The following DOK5 variants were observed in gnomAD, a reference collection of about 807,000 sequenced individuals.
DOK5 encodes the protein docking protein 5, also known as downstream of tyrosine kinase 5.
A neutral mutation model predicts 43.3 loss-of-function variants in DOK5; 27 were observed. The observed-to-expected ratio is 0.62, with a 90% CI of 0.46 to 0.86. DOK5 has a LOEUF of 0.86. Among genes scored for constraint, DOK5 ranks in the 40% least tolerant of loss-of-function variants. The pLI, the probability that DOK5 is intolerant of heterozygous loss-of-function variation, is 0.00. For missense variants in DOK5, 373 were observed against 392.9 expected, an observed-to-expected ratio of 0.95 and a Z score of 0.43; for synonymous variants, 146 against 140.1, an observed-to-expected ratio of 1.04 and a Z score of -0.30.
At chr20:54,647,373 C>T (rs1214123134) in intron 7 of DOK5, among the ~76,000 whole-genome samples, 4 of 151,866 alleles carry the variant, frequency 2.6e-5, no homozygotes, top group African/African-American at 7.3e-5. Flanking sequence ...GGCATGGTGG[C>T]GGGCGCCTGT....
intron 1 of DOK5, among the ~76,000 whole-genome samples, chr20:54,544,868 A>G (rs1984286166): frequency 6.6e-6 from 1 of 152,194 alleles, no homozygotes; most frequent in South Asian, 2.1e-4. Flanking sequence ...TAGGTTCTAC[A>G]GTACTGGTGT....
chr20:54,582,167 C>T (rs779779096), intron 2 of DOK5, among the ~76,000 whole-genome samples: 22 of 151,666 alleles, frequency 1.5e-4, no homozygotes, highest in Non-Finnish European at 2.5e-4. Flanking sequence ...TGTGGTGTAT[C>T]CATCTTGCTA....
intron 1 of DOK5, among the ~76,000 whole-genome samples, chr20:54,538,085 A>T (rs182159760): frequency 6.6e-4 from 100 of 151,354 alleles, no homozygotes; most frequent in African/African-American, 2.4e-3. Flanking sequence ...CCTCCTCCCG[A>T]CTCGGCCTCC....
chr20:54,569,627 G>T (rs1985218802), intron 2 of DOK5, among the ~76,000 whole-genome samples: 1 of 152,122 alleles, frequency 6.6e-6, no homozygotes, highest in Non-Finnish European at 1.5e-5. Flanking sequence ...CTCTAAGAAG[G>T]TTATATAAAA....
intron 2 of DOK5, among the ~76,000 whole-genome samples, chr20:54,584,588 G>A (rs11907001): frequency 0.022 from 3,248 of 149,718 alleles, 110 homozygotes; most frequent in African/African-American, 0.075. Context: ...TACAATATTC[G>A]TAACATTACA....
chr20:54,541,948 G>A (rs1984174951), intron 1 of DOK5, among the ~76,000 whole-genome samples: 1 of 151,858 alleles, frequency 6.6e-6, no homozygotes, highest in South Asian at 2.1e-4. Context: ...TCTCTTTCAA[G>A]TCGTTGCTCA....
chr20:54,532,000 C>A (rs1209264753), intron 1 of DOK5, among the ~76,000 whole-genome samples: 1 of 152,128 alleles, frequency 6.6e-6, no homozygotes, highest in Non-Finnish European at 1.5e-5. Context: ...TTGATTTATG[C>A]AGCAAGCATT....
chr20:54,549,150 TTTA>T (rs1463175691), intron 1 of DOK5, among the ~76,000 whole-genome samples: 2 of 152,180 alleles, frequency 1.3e-5, no homozygotes, highest in East Asian at 1.9e-4. Context: ...TTTATAAATA[TTTA>T]TGGGATTGAC....
At position 54,519,703 on chromosome 20, in the gene DOK5, A is replaced by C. The variant is rs534738033; in HGVS notation, c.67-35230A>C. On this transcript the variant is annotated intron_variant, in intron 1 of 7. Transcript: ENST00000262593. ...ATGATTCAGTAAAGAAAGAGAAATA[A>C]GCTGTTTAAATATGATGCCATACAA... Among the ~76,000 whole-genome samples, 14 of 152,324 alleles carry C rather than the reference A, an allele frequency of 9.2e-5. No homozygotes were observed. The South Asian group carries it at 2.7e-3, about 29-fold the overall frequency.
intron 1 of DOK5, among the ~76,000 whole-genome samples, chr20:54,536,003 G>T (rs1246352378): frequency 6.6e-6 from 1 of 152,076 alleles, no homozygotes; most frequent in Non-Finnish European, 1.5e-5. Flanking sequence ...TCATTTTTTT[G>T]CTCATTTGTT....
At chr20:54,522,227 A>G (rs1252112520) in intron 1 of DOK5, among the ~76,000 whole-genome samples, 2 of 152,222 alleles carry the variant, frequency 1.3e-5, no homozygotes, top group Non-Finnish European at 2.9e-5. Context: ...AAAAAAGCAC[A>G]TAAAGATCTC....
intron 7 of DOK5, among the ~76,000 whole-genome samples, chr20:54,649,387 A>G (rs1387860768): frequency 6.6e-6 from 1 of 152,180 alleles, no homozygotes; most frequent in Non-Finnish European, 1.5e-5. Flanking sequence ...ACGCCACTGC[A>G]CTGCAGCCGG....
At chr20:54,593,849 A>G (rs1203750805) in intron 5 of DOK5, among the ~76,000 whole-genome samples, 2 of 152,244 alleles carry the variant, frequency 1.3e-5, no homozygotes, top group African/African-American at 4.8e-5. Context: ...TTGCAGGGAC[A>G]TGGATGGAGC....
At chr20:54,507,857 C>T (rs1487622301) in intron 1 of DOK5, among the ~76,000 whole-genome samples, 1 of 152,066 alleles carries the variant, frequency 6.6e-6, no homozygotes, top group African/African-American at 2.4e-5. Context: ...TTATTTGGGG[C>T]CAGTTCTGGT....
At chr20:54,635,703 G>A (rs546080866) in intron 6 of DOK5, among the ~76,000 whole-genome samples, 1 of 152,302 alleles carries the variant, frequency 6.6e-6, no homozygotes, top group South Asian at 2.1e-4. Flanking sequence ...TTGGGCAGAT[G>A]TTCTCAGGAT....
At chr20:54,649,243 G>A (rs1490135200) in intron 7 of DOK5, among the ~76,000 whole-genome samples, 1 of 151,964 alleles carries the variant, frequency 6.6e-6, no homozygotes, top group African/African-American at 2.4e-5. Flanking sequence ...GGATGTAGGC[G>A]AGACCCCCTC....
At chr20:54,586,507 G>A (rs571748855) in intron 2 of DOK5, among the ~76,000 whole-genome samples, 2 of 152,188 alleles carry the variant, frequency 1.3e-5, no homozygotes, top group South Asian at 4.2e-4. Flanking sequence ...ATATGTGAGG[G>A]GTTCTGTGTT....
intron 5 of DOK5, among the ~76,000 whole-genome samples, chr20:54,602,810 A>G (rs1230389985): frequency 6.6e-6 from 1 of 151,900 alleles, no homozygotes; most frequent in African/African-American, 2.4e-5. Flanking sequence ...AGTAGCTGGG[A>G]TTATAGTCGC....
At chr20:54,520,805 C>A (rs1447677710) in intron 1 of DOK5, among the ~76,000 whole-genome samples, 3 of 140,504 alleles carry the variant, frequency 2.1e-5, no homozygotes, top group African/African-American at 7.6e-5. Flanking sequence ...CAACAAAAAA[C>A]AACAAAAAAA....
Sources: gnomAD v4.1 joint callset for allele counts (sites outside exome capture counted in the v4.1 genomes callset) on GRCh38, gnomAD v4.1.1 for gene constraint, MANE v1.5 for transcripts, NCBI Gene and HGNC (gene_info 2026-07-23, HGNC 2026-07-21) for gene names.